Variants in HOXA3 observed in about 807,000 individuals in gnomAD.
HOXA3 encodes the protein homeobox protein Hox-A3.
A neutral mutation model predicts 30.3 loss-of-function variants in HOXA3; 8 were observed. The ratio of observed to expected loss-of-function variants is 0.26; its 90% CI spans 0.15 to 0.48. HOXA3 has a LOEUF of 0.48. Among genes scored for constraint, HOXA3 ranks in the 20% least tolerant of loss-of-function variants. HOXA3 has a pLI of 0.99. For missense variants in HOXA3, 653 were observed against 614.4 expected (o/e 1.06, Z -0.66); for synonymous variants, 323 against 273.1 (o/e 1.18, Z -1.80).
At chr7:27,143,215 G>C (rs1782637227) in intron 1 of HOXA3, 1 of 1,610,272 alleles carries the variant, frequency 6.2e-7, no homozygotes, top group Non-Finnish European at 8.5e-7. Flanking sequence ...TGCTGCCGGC[G>C]TCGGCCGAGG....
At position 27,118,949 on chromosome 7, in the gene HOXA3, T is replaced by C. The variant is rs564293702; in HGVS notation, c.-121+3610A>G. Among the ~76,000 whole-genome samples, 16 of 152,330 alleles carry C rather than the reference T, an allele frequency of 1.1e-4. No individual in the cohort carries two copies. The South Asian group carries it at 3.3e-3, about 32-fold the overall frequency. On this transcript the variant is annotated intron_variant, in intron 4 of 5. Transcript: ENST00000612286. ...TCTCCTCCAAGTCCAGTTGGTTTTG[T>C]TCAGTGGGAGCCCACTAGGAAAGAT...
intron 2 of HOXA3, chr7:27,130,499 C>A: frequency 3.1e-6 from 4 of 1,282,932 alleles, no homozygotes; most frequent in Non-Finnish European, 3.9e-6. Context: ...GGCTCGCGGG[C>A]GGTCCGCGGC....
Position 27,147,290 on chromosome 7 carries a change from T to C in HOXA3, c.-494+4998A>G, listed in dbSNP as rs1474608148. The C allele has an allele frequency of 2.5e-6, 4 of 1,607,496 alleles. 1 individual carries two copies. The South Asian group carries it at 4.4e-5, about 18-fold the overall frequency. On this transcript the variant is annotated intron_variant, in intron 1 of 5. Coordinates refer to ENST00000612286, the MANE Select transcript of HOXA3 (RefSeq NM_153631.3). The stretch of plus-strand genomic sequence containing the variant: ...CCTCCTTTCCCCTCTCCCTCCACTG[T>C]CTTGGGATATGTCTTACCCGCGCAG...
rs191986702 is a variant in HOXA3 at position 27,141,376 on chromosome 7, C to A, written c.-493-1190G>T. 767 of 159,224 alleles carry A rather than the reference C, an allele frequency of 4.8e-3. 9 individuals carry two copies. The highest frequency in any genetic ancestry group is 0.017 in the African/African-American group (711 of 41,564). The allele number at this position is 159,224 out of a possible 1,614,324, so 9.9% of individuals were successfully genotyped here. A position where few individuals can be genotyped will look rare whatever the true frequency, so the allele number is the denominator to read the frequency against. On this transcript the variant is annotated intron_variant, in intron 1 of 5. Transcript: ENST00000612286. Reference sequence around the variant, plus strand: ...GTCACCTCTACAACAGCATTAATTACACAAGGAATATAGGTAGTTTGAATA... The same window carrying A: ...GTCACCTCTACAACAGCATTAATTAAACAAGGAATATAGGTAGTTTGAATA...
At chr7:27,144,021 C>T (rs1782667872) in intron 1 of HOXA3, among the ~76,000 whole-genome samples, 1 of 152,242 alleles carries the variant, frequency 6.6e-6, no homozygotes, top group Non-Finnish European at 1.5e-5. Flanking sequence ...ATTGCATTTC[C>T]CTCGCAGTTC....
intron 2 of HOXA3, among the ~76,000 whole-genome samples, chr7:27,139,598 G>T (rs1026781311): frequency 1.3e-5 from 2 of 152,232 alleles, no homozygotes; most frequent in African/African-American, 4.8e-5. Context: ...CCTCGGCCCT[G>T]CCCCGGCCTT....
intron 2 of HOXA3, among the ~76,000 whole-genome samples, chr7:27,132,748 C>A (rs940733473): frequency 2.0e-5 from 3 of 152,128 alleles, no homozygotes; most frequent in African/African-American, 7.2e-5. Context: ...AAATAATATA[C>A]ACATAGGTTA....
At chr7:27,118,504 G>C (rs1784850009) in intron 4 of HOXA3, among the ~76,000 whole-genome samples, 1 of 152,204 alleles carries the variant, frequency 6.6e-6, no homozygotes, top group Non-Finnish European at 1.5e-5. Flanking sequence ...GAGGGTAGGT[G>C]GGGAACCTTG....
rs373568444 is a variant in HOXA3, at chr7:27,147,294, G to C, written c.-494+4994C>G. 122 of 1,608,448 alleles carry C rather than the reference G, an allele frequency of 7.6e-5. No individual in the cohort carries two copies. In the African/African-American group the frequency reaches 1.4e-3, roughly 18 times the overall value. ...CTTTCCCCTCTCCCTCCACTGTCTTGGGATATGTCTTACCCGCGCAGGAGT... is the reference window on the plus strand; with the variant it reads ...CTTTCCCCTCTCCCTCCACTGTCTTCGGATATGTCTTACCCGCGCAGGAGT... On this transcript the variant is annotated intron_variant, in intron 1 of 5. Coordinates refer to ENST00000612286, the MANE Select transcript of HOXA3 (RefSeq NM_153631.3).
rs1366839347 is a variant in HOXA3, at chr7:27,108,250, C to T, written c.997G>A (p.Gly333Arg). 1.6e-5 allele frequency: 24 copies of T among 1,518,858 alleles called. No individual in the cohort carries two copies. Among genetic ancestry groups the T allele is most frequent in the Non-Finnish European group, 2.1e-5 (24 of 1,133,854 alleles). 94.1% of individuals were successfully genotyped at this position (1,518,858 alleles called of 1,614,324 possible). A position where few individuals can be genotyped will look rare whatever the true frequency, so the allele number is the denominator to read the frequency against. ...PPPQKRYTAA[G>R]AGAGGTPDYD... ...TCGGGGGTGCCCCCTGCGCCCGCCCCTGCCGCCGTGTAGCGCTTCTGTGGG... is the reference window on the plus strand; with the variant it reads ...TCGGGGGTGCCCCCTGCGCCCGCCCTTGCCGCCGTGTAGCGCTTCTGTGGG... The change falls in exon 6 of 6, where the codon GGG becomes AGG. Residue 333 changes from glycine to arginine, a missense_variant. Gly to Arg is a moderately radical substitution (Grantham distance 125, BLOSUM62 -2). This residue lies in a region of HOXA3 where 330 missense variants were observed against 274.4 expected (regional missense o/e 1.20). Transcript: ENST00000612286. The surrounding 1 kb of genome is among the most constrained non-coding windows in gnomAD (Gnocchi z 5.0).
At chr7:27,136,664 C>T (rs538169226) in intron 2 of HOXA3, among the ~76,000 whole-genome samples, 5 of 152,280 alleles carry the variant, frequency 3.3e-5, no homozygotes, top group East Asian at 3.9e-4. Context: ...ATTTGTTAGG[C>T]GATGACAGAC....
At chr7:27,129,524 A>T in intron 2 of HOXA3, 1 of 1,614,072 alleles carries the variant, frequency 6.2e-7, no homozygotes, top group South Asian at 1.1e-5. Flanking sequence ...TGCCGGGTGT[A>T]GGCGGTTCGA....
chr7:27,140,032 A>AGAGAGAGAGAGAGAGAG (rs768977757), intron 2 of HOXA3, 51 bp downstream of exon 2: 25 of 138,172 alleles, frequency 1.8e-4, no homozygotes, highest in East Asian at 8.6e-4. Context: ...AGAGAGAGAG[A>AGAGAGAGAGAGAGAGAG]AAGTTTCCAA....
intron 2 of HOXA3, chr7:27,130,181 G>C: frequency 6.3e-7 from 1 of 1,590,202 alleles, no homozygotes; most frequent in African/African-American, 1.4e-5. Flanking sequence ...TTCAGGCCCA[G>C]CGGGCTCTTG....
chr7:27,142,053 G>A, intron 1 of HOXA3: 4 of 1,614,014 alleles, frequency 2.5e-6, no homozygotes, highest in Non-Finnish European at 3.4e-6. Context: ...TAGGCCGTCC[G>A]GGCCCTTTTG....
chr7:27,147,527 C>G (rs767920023), intron 1 of HOXA3: 2 of 1,614,180 alleles, frequency 1.2e-6, no homozygotes, highest in Non-Finnish European at 1.7e-6. Context: ...CACGAGGCCC[C>G]GTACTCGTAG....
At chr7:27,130,592 G>A in intron 2 of HOXA3, 1 of 1,525,338 alleles carries the variant, frequency 6.6e-7, no homozygotes, top group Non-Finnish European at 8.8e-7. Flanking sequence ...TGGGTCGGGG[G>A]CGCTGGGGGC....
intron 2 of HOXA3, chr7:27,130,886 C>G: frequency 1.3e-6 from 1 of 746,482 alleles, no homozygotes; most frequent in Non-Finnish European, 2.3e-6. Flanking sequence ...CTCCCCCTCC[C>G]GCAGACGCCG....
At chr7:27,147,486 G>C in intron 1 of HOXA3, 1 of 1,614,084 alleles carries the variant, frequency 6.2e-7, no homozygotes, top group South Asian at 1.1e-5. Context: ...CCGAGGGCGA[G>C]GCGCCACTGA....
Sources: gnomAD v4.1 joint callset for allele counts (sites outside exome capture counted in the v4.1 genomes callset) on GRCh38, gnomAD v4.1.1 for gene constraint, gnomAD v4.1.1 regional missense constraint, Gnocchi (gnomAD v3.1) non-coding constraint, MANE v1.5 for transcripts, NCBI Gene and HGNC (gene_info 2026-07-23, HGNC 2026-07-21) for gene names.